SAMD12: variants seen among roughly 807,000 people sequenced by gnomAD.
SAMD12 encodes the protein sterile alpha motif domain-containing protein 12.
A neutral mutation model predicts 15.0 loss-of-function variants in SAMD12; 9 were observed. That is an observed-to-expected ratio of 0.60 (90% CI 0.36 to 1.05). The LOEUF (loss-of-function observed/expected upper bound fraction) is 1.05. SAMD12 is among the 50% of genes least tolerant of loss of function. The pLI is 0.01. For synonymous variants in SAMD12, 86 were observed against 90.1 expected, an observed-to-expected ratio of 0.96 and a Z score of 0.25; for missense variants, 230 against 234.2, an observed-to-expected ratio of 0.98 and a Z score of 0.12.
chr8:118,405,567 T>G (rs1429779548), intron 3 of SAMD12, among the ~76,000 whole-genome samples: 1 of 152,240 alleles, frequency 6.6e-6, no homozygotes, highest in Non-Finnish European at 1.5e-5. Context: ...AATAGTCTTA[T>G]GTCTAGATCT....
chr8:118,133,927 T>C, the SAMD12 span, among the ~76,000 whole-genome samples: 8 of 152,232 alleles, frequency 5.3e-5, no homozygotes, highest in African/African-American at 1.9e-4. Context: ...TGGTTGTTTA[T>C]CATGTCTTGA....
chr8:118,428,515 T>C (rs1387645089), intron 3 of SAMD12, among the ~76,000 whole-genome samples: 1 of 152,226 alleles, frequency 6.6e-6, no homozygotes, highest in African/African-American at 2.4e-5. Context: ...AATAATTCCT[T>C]GCCTATTCTC....
chr8:118,473,680 C>T (rs778046920), intron 2 of SAMD12, among the ~76,000 whole-genome samples: 15 of 152,262 alleles, frequency 9.9e-5, no homozygotes, highest in South Asian at 2.1e-4. Flanking sequence ...TGTGACTCTC[C>T]GACTCATCAT....
chr8:118,450,594 GATC>G (rs1349658180), intron 2 of SAMD12, among the ~76,000 whole-genome samples: 2 of 152,244 alleles, frequency 1.3e-5, no homozygotes, highest in Non-Finnish European at 1.5e-5. Context: ...AATTGTTATT[GATC>G]ATCATCATCA....
intron 2 of SAMD12, among the ~76,000 whole-genome samples, chr8:118,527,019 AATC>A (rs779751269): frequency 6.6e-6 from 1 of 152,174 alleles, no homozygotes; most frequent in East Asian, 1.9e-4. Flanking sequence ...CAAACCATAT[AATC>A]ATCTGCCAGC....
chr8:118,208,769 A>G (rs924490394), intron 4 of SAMD12, among the ~76,000 whole-genome samples: 4 of 152,242 alleles, frequency 2.6e-5, no homozygotes, highest in African/African-American at 9.6e-5. Flanking sequence ...GCCACTCTGT[A>G]GTGGAGAAAA....
chr8:118,511,910 G>A (rs1268456395), intron 2 of SAMD12, among the ~76,000 whole-genome samples: 1 of 152,084 alleles, frequency 6.6e-6, no homozygotes, highest in Admixed American at 6.5e-5. Context: ...CTACTTTTAG[G>A]ATGAAAAGAC....
At chr8:118,245,801 C>G (rs1812676640) in intron 4 of SAMD12, among the ~76,000 whole-genome samples, 1 of 152,134 alleles carries the variant, frequency 6.6e-6, no homozygotes, top group Admixed American at 6.6e-5. Flanking sequence ...TAAGGGAAGT[C>G]TCAGAGTACC....
chr8:118,309,396 G>GTGTGTGTA (rs1563752406), intron 4 of SAMD12, among the ~76,000 whole-genome samples: 1 of 151,516 alleles, frequency 6.6e-6, no homozygotes, highest in Non-Finnish European at 1.5e-5. Context: ...GTGTGTGTGT[G>GTGTGTGTA]TGTGTGTGTG....
chr8:118,571,299 T>G (rs1442460449), intron 2 of SAMD12, among the ~76,000 whole-genome samples: 1 of 152,172 alleles, frequency 6.6e-6, no homozygotes, highest in Non-Finnish European at 1.5e-5. Context: ...AGAGACTTGT[T>G]GAACAGCTTT....
intron 2 of SAMD12, among the ~76,000 whole-genome samples, chr8:118,551,896 T>C (rs1456501018): frequency 0.026 from 3,718 of 140,528 alleles, 87 homozygotes; most frequent in African/African-American, 0.033. Flanking sequence ...ATACTACAAA[T>C]ACGTCTACGC....
At chr8:118,444,624 T>C (rs888790848) in intron 2 of SAMD12, among the ~76,000 whole-genome samples, 3 of 152,156 alleles carry the variant, frequency 2.0e-5, no homozygotes, top group African/African-American at 7.2e-5. Flanking sequence ...TGATTTGTAT[T>C]TAACTAGAAA....
At chr8:118,235,029 A>C (rs1256664060) in intron 4 of SAMD12, among the ~76,000 whole-genome samples, 1 of 151,996 alleles carries the variant, frequency 6.6e-6, no homozygotes, top group Non-Finnish European at 1.5e-5. Flanking sequence ...ATTTTTATCC[A>C]CTTCTTGGTA....
chr8:118,170,554 G>A, the SAMD12 span, among the ~76,000 whole-genome samples: 8 of 152,082 alleles, frequency 5.3e-5, no homozygotes, highest in Non-Finnish European at 7.4e-5. Context: ...TGATTTTGAC[G>A]AGGATGCCAA....
intron 2 of SAMD12, among the ~76,000 whole-genome samples, chr8:118,523,903 C>T (rs1419386777): frequency 2.6e-5 from 4 of 152,148 alleles, no homozygotes; most frequent in African/African-American, 9.7e-5. Flanking sequence ...AACCCACTTA[C>T]TCTGCCTTTT....
the SAMD12 span, among the ~76,000 whole-genome samples, chr8:118,179,429 C>T: frequency 1.4e-5 from 2 of 143,816 alleles, no homozygotes; most frequent in African/African-American, 5.2e-5. Flanking sequence ...AAGAGTGAAA[C>T]TCCGTCTCCG....
At chr8:118,245,243 A>G (rs1175690633) in intron 4 of SAMD12, among the ~76,000 whole-genome samples, 1 of 152,170 alleles carries the variant, frequency 6.6e-6, no homozygotes. Context: ...TTTACTAAGA[A>G]GCCTCGAGTT....
At chr8:118,571,811 G>A (rs975862648) in intron 2 of SAMD12, among the ~76,000 whole-genome samples, 1 of 152,176 alleles carries the variant, frequency 6.6e-6, no homozygotes. Flanking sequence ...GTAGGGGCAG[G>A]GTCCTCATGG....
intron 4 of SAMD12, among the ~76,000 whole-genome samples, chr8:118,206,433 C>T (rs1287980952): frequency 6.6e-6 from 1 of 152,150 alleles, no homozygotes; most frequent in Non-Finnish European, 1.5e-5. Flanking sequence ...GTGAGGCAGA[C>T]AGGAGAAGCT....
Sources: allele counts gnomAD v4.1 joint callset (sites outside exome capture counted in the v4.1 genomes callset), GRCh38; gene constraint gnomAD v4.1.1; transcripts MANE v1.5; gene names NCBI Gene and HGNC (gene_info 2026-07-23, HGNC 2026-07-21).